Variants in LPA observed in about 807,000 individuals in gnomAD.
The protein encoded by LPA is lipoprotein(a).
A neutral mutation model predicts 197.9 loss-of-function variants in LPA; 199 were observed. The ratio of observed to expected loss-of-function variants is 1.01; its 90% CI spans 0.90 to 1.13. The LOEUF (loss-of-function observed/expected upper bound fraction) is 1.13, where lower values mean the gene tolerates loss of function less well. LPA is among the 50% of genes most tolerant of loss of function. The pLI, the probability that LPA is intolerant of heterozygous loss-of-function variation, is 0.00. For synonymous variants in LPA, 715 were observed against 639.5 expected (o/e 1.12, Z -1.78); for missense variants, 1,853 against 1,785.8 (o/e 1.04, Z -0.68).
chr6:160,557,283 A>G, intron 29 of LPA, 107 bp downstream of exon 29: 2 of 1,341,710 alleles, frequency 1.5e-6, no homozygotes, highest in Admixed American at 1.7e-5. Context: ...CACCTGCCAT[A>G]CCCTCAAGTT....
At chr6:160,554,957 C>T (rs1479239219) in intron 30 of LPA, among the ~76,000 whole-genome samples, 1 of 152,028 alleles carries the variant, frequency 6.6e-6, no homozygotes, top group Non-Finnish European at 1.5e-5. Context: ...CGGAGTTGCG[C>T]TCATTCATTT....
intron 28 of LPA, among the ~76,000 whole-genome samples, chr6:160,569,366 A>G (rs1778521250): frequency 6.6e-6 from 1 of 151,968 alleles, no homozygotes; most frequent in Non-Finnish European, 1.5e-5. Flanking sequence ...AACCTGACAA[A>G]AACAAGAAAT....
intron 18 of LPA, 42 bp from the exon 19 acceptor site, chr6:160,601,140 A>T (rs1313079661): frequency 6.3e-7 from 1 of 1,576,874 alleles, no homozygotes; most frequent in Non-Finnish European, 8.7e-7. Context: ...AAATGGGTAC[A>T]TATGCAGGAA....
chr6:160,594,148 G>A, intron 21 of LPA, 31 bp from the exon 22 acceptor site: 1 of 1,613,100 alleles, frequency 6.2e-7, no homozygotes, highest in Non-Finnish European at 8.5e-7. Context: ...ATCAAGCTGA[G>A]TAATTTCTAG....
intron 28 of LPA, among the ~76,000 whole-genome samples, chr6:160,568,873 C>T (rs1219440785): frequency 6.6e-6 from 1 of 152,158 alleles, no homozygotes; most frequent in Admixed American, 6.5e-5. Context: ...GGATGAACTC[C>T]CATTCACAAT....
chr6:160,599,539 G>T lies in LPA; in HGVS notation c.3248C>A (p.Pro1083Gln). The T allele has an allele frequency of 6.2e-7, 1 of 1,614,046 alleles. No individual in the cohort carries two copies. The highest frequency in any genetic ancestry group is 2.2e-5 in the East Asian group (1 of 44,870). Residue 1083 changes from proline (P) to glutamine (Q), a missense_variant, in exon 20 of 39, where the codon CCA (proline) becomes CAA (glutamine). By Grantham distance (76) the Pro-to-Gln change is moderately conservative (BLOSUM62 -1). Coordinates refer to ENST00000316300, the MANE Select transcript of LPA (RefSeq NM_005577.4). The part of the protein sequence containing the change: ...RTCQAWSSMT[P>Q]HQHSRTPENY... Reference sequence around the variant, plus strand: ...TTCTGGGGTCCGACTATGCTGGTGTGGTGTCATAGATGACCAAGCTTGGCA... The same window carrying T: ...TTCTGGGGTCCGACTATGCTGGTGTTGTGTCATAGATGACCAAGCTTGGCA...
In LPA at chr6:160,664,240, A is replaced by G; in HGVS notation, c.-26T>C. ...TTTGGGACTGGCCAGCAGTGCCCAG[A>G]AAGTGTGTCCCAATCCCAGGACATT... On this transcript the variant is annotated 5_prime_UTR_variant, in exon 1 of 39. Transcript: ENST00000316300. 5 of 1,604,034 alleles carry G rather than the reference A, an allele frequency of 3.1e-6. No individual in the cohort carries two copies. The highest frequency in any genetic ancestry group is 4.2e-6 in the Non-Finnish European group (5 of 1,177,154).
chr6:160,555,120 G>A (rs1378579805), intron 30 of LPA, among the ~76,000 whole-genome samples: 1 of 151,564 alleles, frequency 6.6e-6, no homozygotes, highest in Non-Finnish European at 1.5e-5. Context: ...CTCCATATCT[G>A]TTTACTTCCT....
chr6:160,588,187 A>C (rs1303897518), intron 24 of LPA, among the ~76,000 whole-genome samples: 1 of 152,112 alleles, frequency 6.6e-6, no homozygotes, highest in African/African-American at 2.4e-5. Context: ...TTTTAAATAG[A>C]AGTAACGCAA....
intron 26 of LPA, among the ~76,000 whole-genome samples, chr6:160,578,954 T>C (rs1406535442): frequency 6.6e-6 from 1 of 152,216 alleles, no homozygotes; most frequent in Non-Finnish European, 1.5e-5. Context: ...AAAACTGAGA[T>C]AATACATGTC....
Position 160,547,781 on chromosome 6 carries a change from T to C in LPA, c.5304+8A>G. ...AAGGGAAAAAGAGTCCAAATCAAAG[T>C]GGCTTACATTTTTTTCCAGACCTGC... On this transcript the variant is annotated splice_region_variant and intron_variant, in intron 32 of 38. Coordinates refer to ENST00000316300, the MANE Select transcript of LPA (RefSeq NM_005577.4). 10 of 1,613,948 alleles carry C rather than the reference T, an allele frequency of 6.2e-6. No individual in the cohort carries two copies. Among genetic ancestry groups the C allele is most frequent in the Non-Finnish European group, 7.6e-6 (9 of 1,179,976 alleles).
intron 28 of LPA, among the ~76,000 whole-genome samples, chr6:160,564,071 G>T (rs947973822): frequency 1.3e-5 from 2 of 152,126 alleles, no homozygotes; most frequent in Non-Finnish European, 2.9e-5. Flanking sequence ...TACATTTAAG[G>T]TTAATATTGT....
chr6:160,554,156 A>T (rs908195075), intron 30 of LPA, among the ~76,000 whole-genome samples: 1 of 151,634 alleles, frequency 6.6e-6, no homozygotes, highest in Non-Finnish European at 1.5e-5. Context: ...TATATTCTGC[A>T]TTTGTTTCCC....
At chr6:160,545,777 G>A (rs566994388) in intron 32 of LPA, among the ~76,000 whole-genome samples, 1 of 152,236 alleles carries the variant, frequency 6.6e-6, no homozygotes, top group South Asian at 2.1e-4. Flanking sequence ...AAGGGTCTTT[G>A]GAGAATGTGC....
intron 30 of LPA, among the ~76,000 whole-genome samples, chr6:160,549,993 C>A (rs1778142265): frequency 6.6e-6 from 1 of 152,204 alleles, no homozygotes; most frequent in Non-Finnish European, 1.5e-5. Context: ...GAAGCCAAGG[C>A]GGGTGGATCA....
At position 160,577,310 on chromosome 6, in the gene LPA, A is replaced by C. The variant is rs777775550; in HGVS notation, c.4472-15T>G. ...CTCAGGTGGTGCTGAAATTAAAATA[A>C]AATAAATCATACTCAGTAATTGCAT... is the stretch of plus-strand genomic sequence containing the variant. On this transcript the variant is annotated splice_polypyrimidine_tract_variant and intron_variant, in intron 27 of 38. Coordinates refer to ENST00000316300, the MANE Select transcript of LPA (RefSeq NM_005577.4). 54 of 1,612,806 alleles carry C rather than the reference A, an allele frequency of 3.3e-5. No homozygotes were observed. The highest frequency in any genetic ancestry group is 4.5e-5 in the Non-Finnish European group (53 of 1,178,922).
chr6:160,601,053 G>C lies in LPA; in HGVS notation c.2991C>G (p.Ala997=), dbSNP rs774527730. The C allele has an allele frequency of 1.2e-6, 2 of 1,613,926 alleles. No individual in the cohort carries two copies. Among genetic ancestry groups the C allele is most frequent in the Non-Finnish European group, 1.7e-6 (2 of 1,179,976 alleles). ...TGGGATCTGTTGTATAACACCAAGG[G>C]GCTGCCACAGGATCTGGATTTCGGC... ...NYCRNPDPVA[A]PWCYTTDPSV... The change falls in exon 19 of 39, where the codon GCC becomes GCG. Residue 997 remains alanine, a synonymous_variant. Transcript: ENST00000316300.
chr6:160,560,355 G>A (rs932565707), intron 28 of LPA, among the ~76,000 whole-genome samples: 2 of 152,166 alleles, frequency 1.3e-5, no homozygotes, highest in Non-Finnish European at 2.9e-5. Flanking sequence ...GATCCTTGAG[G>A]AATCACCGCA....
intron 16 of LPA, among the ~76,000 whole-genome samples, chr6:160,609,883 T>G (rs1779450936): frequency 2.0e-5 from 3 of 152,058 alleles, no homozygotes; most frequent in Non-Finnish European, 2.9e-5. Flanking sequence ...TTGTTTTTGG[T>G]TAATTTTTTC....
Sources: allele counts gnomAD v4.1 joint callset (sites outside exome capture counted in the v4.1 genomes callset), GRCh38; gene constraint gnomAD v4.1.1; transcripts MANE v1.5; gene names NCBI Gene and HGNC (gene_info 2026-07-23, HGNC 2026-07-21).